Variants in ROR1 observed in about 807,000 individuals in gnomAD.
ROR1 encodes inactive tyrosine-protein kinase transmembrane receptor ROR1.
In ROR1, 19 loss-of-function variants were observed where a neutral mutation model predicts 78.8. The observed-to-expected ratio is 0.24, with a 90% CI of 0.17 to 0.35. ROR1 has a LOEUF of 0.35. Among genes scored for constraint, ROR1 ranks in the 10% least tolerant of loss-of-function variants. The probability of loss-of-function intolerance (pLI) is 1.00; values close to 1 mark genes in which losing one functional copy is unlikely to be tolerated. For missense variants in ROR1, 917 were observed against 1,177.8 expected (o/e 0.78, Z 3.24); for synonymous variants, 386 against 433.6 (o/e 0.89, Z 1.36).
chr1:63,894,653 G>A (rs1569872409), intron 1 of ROR1, among the ~76,000 whole-genome samples: 1 of 152,060 alleles, frequency 6.6e-6, no homozygotes, highest in South Asian at 2.1e-4. Flanking sequence ...GAGCAAAAAG[G>A]ACTTGATTCT....
At chr1:63,865,559 T>TC (rs1645210100) in intron 1 of ROR1, among the ~76,000 whole-genome samples, 1 of 152,208 alleles carries the variant, frequency 6.6e-6, no homozygotes, top group African/African-American at 2.4e-5. Flanking sequence ...TCCTTTTTTT[T>TC]CCCATACAAG....
chr1:63,844,893 C>G (rs1341881986), intron 1 of ROR1, among the ~76,000 whole-genome samples: 1 of 152,042 alleles, frequency 6.6e-6, no homozygotes, highest in Non-Finnish European at 1.5e-5. Flanking sequence ...TCTCTATTAC[C>G]TGGAGGAGGG....
At chr1:63,821,522 G>A (rs1387492862) in intron 1 of ROR1, among the ~76,000 whole-genome samples, 1 of 152,188 alleles carries the variant, frequency 6.6e-6, no homozygotes, top group African/African-American at 2.4e-5. Flanking sequence ...GAGAGCACCC[G>A]TGTGTACTTA....
At chr1:63,837,769 C>T (rs1251819733) in intron 1 of ROR1, among the ~76,000 whole-genome samples, 1 of 152,064 alleles carries the variant, frequency 6.6e-6, no homozygotes, top group Non-Finnish European at 1.5e-5. Context: ...TGCAGTGAAC[C>T]GTGATTGTGC....
chr1:63,793,435 C>T (rs765768607), intron 1 of ROR1, among the ~76,000 whole-genome samples: 1 of 152,200 alleles, frequency 6.6e-6, no homozygotes, highest in African/African-American at 2.4e-5. Context: ...ATCCCAGTTA[C>T]CCTGATTTGA....
intron 1 of ROR1, among the ~76,000 whole-genome samples, chr1:63,982,567 G>T (rs180869692): frequency 2.0e-4 from 31 of 152,260 alleles, no homozygotes; most frequent in African/African-American, 7.5e-4. Context: ...TTTCTGGGTA[G>T]GCTCAGCAAA....
At chr1:64,081,598 G>C (rs1184323769) in intron 4 of ROR1, among the ~76,000 whole-genome samples, 2 of 151,680 alleles carry the variant, frequency 1.3e-5, no homozygotes, top group African/African-American at 4.8e-5. Flanking sequence ...GCAACATAGG[G>C]AGACTCTACA....
intron 1 of ROR1, among the ~76,000 whole-genome samples, chr1:63,951,899 T>A (rs1645943064): frequency 6.6e-6 from 1 of 151,682 alleles, no homozygotes; most frequent in African/African-American, 2.4e-5. Flanking sequence ...GAGCTGTGCT[T>A]AAGATGGAGT....
rs201132261 is a variant in ROR1 at position 63,792,505 on chromosome 1, G to GA, written c.91+18005dup. ...GAGGGAACAGTGTATGGTTTGGAAA[G>GA]AAAAAAAATCTCAGTTTGGGCCTGG... On this transcript the variant is annotated intron_variant, in intron 1 of 8. Coordinates refer to ENST00000371079, the MANE Select transcript of ROR1 (RefSeq NM_005012.4). Among the ~76,000 whole-genome samples the GA allele has an allele frequency of 5.9e-3, 890 of 152,106 alleles. 9 individuals are homozygous for GA. The highest frequency in any genetic ancestry group is 0.02 in the African/African-American group (827 of 41,526).
At position 64,178,409 on chromosome 1, in the gene ROR1, A is replaced by G. The variant is rs1013869913; in HGVS notation, c.2368A>G (p.Met790Val). The G allele has an allele frequency of 2.1e-5, 34 of 1,614,044 alleles. No homozygotes were observed. Among genetic ancestry groups the G allele is most frequent in the African/African-American group, 2.7e-5 (2 of 74,902 alleles). ...NLSNPRYPNY[M>V]FPSQGITPQG... ...CAGTAACCCCAGATATCCTAATTAC[A>G]TGTTCCCGAGCCAGGGTATTACACC... The change falls in exon 9 of 9, where the codon ATG (methionine) becomes GTG (valine). Residue 790 changes from methionine to valine, a missense_variant. Physicochemically the swap from Met to Val is conservative, Grantham distance 21. This residue lies in a region of ROR1 where 835 missense variants were observed against 1,069.8 expected (regional missense o/e 0.78). Transcript: ENST00000371079. The surrounding 1 kb of genome is among the most constrained non-coding windows in gnomAD (Gnocchi z 4.3).
At chr1:64,125,803 G>A (rs1648693108) in intron 4 of ROR1, among the ~76,000 whole-genome samples, 1 of 152,188 alleles carries the variant, frequency 6.6e-6, no homozygotes, top group South Asian at 2.1e-4. Flanking sequence ...TCTGTAGGAG[G>A]TCTGTGTAGC....
At chr1:63,912,858 C>T (rs1645582432) in intron 1 of ROR1, among the ~76,000 whole-genome samples, 1 of 152,156 alleles carries the variant, frequency 6.6e-6, no homozygotes, top group Non-Finnish European at 1.5e-5. Flanking sequence ...TGGGGAGACA[C>T]AGATATCCTT....
At chr1:63,949,890 C>G (rs1645920799) in intron 1 of ROR1, among the ~76,000 whole-genome samples, 1 of 152,046 alleles carries the variant, frequency 6.6e-6, no homozygotes, top group African/African-American at 2.4e-5. Context: ...TGAATGTTTT[C>G]ATTTTTCATT....
chr1:63,778,143 A>G (rs1361185505), intron 1 of ROR1, among the ~76,000 whole-genome samples: 1 of 152,174 alleles, frequency 6.6e-6, no homozygotes, highest in Non-Finnish European at 1.5e-5. Context: ...GAGCCTTTCA[A>G]GAGTGTTATG....
At chr1:63,970,804 A>G (rs1405016865) in intron 1 of ROR1, among the ~76,000 whole-genome samples, 4 of 152,232 alleles carry the variant, frequency 2.6e-5, no homozygotes, top group Non-Finnish European at 4.4e-5. Flanking sequence ...CAGATGAGAA[A>G]GCTGAGATCC....
chr1:63,828,001 C>A (rs1173407289), intron 1 of ROR1, among the ~76,000 whole-genome samples: 2 of 152,116 alleles, frequency 1.3e-5, no homozygotes, highest in Non-Finnish European at 2.9e-5. Context: ...GTGCATATTC[C>A]CCTTATTTAT....
intron 4 of ROR1, among the ~76,000 whole-genome samples, chr1:64,136,423 G>A (rs1012257219): frequency 3.3e-5 from 5 of 150,108 alleles, no homozygotes; most frequent in African/African-American, 9.8e-5. Context: ...ACTTATACAC[G>A]TGGCAGGCAG....
At chr1:63,856,896 G>T (rs1645151898) in intron 1 of ROR1, among the ~76,000 whole-genome samples, 1 of 151,984 alleles carries the variant, frequency 6.6e-6, no homozygotes, top group African/African-American at 2.4e-5. Context: ...CCTTTCTCTG[G>T]TCTCTCATCA....
rs900050438 is a variant in ROR1, at chr1:64,122,427, G to A, written c.483-14942G>A. Among the ~76,000 whole-genome samples the A allele has an allele frequency of 4.6e-5, 7 of 152,052 alleles. 1 individual carries two copies. Among genetic ancestry groups the A allele is most frequent in the Admixed American group, 2.6e-4 (4 of 15,278 alleles). ...CTCTCAATCCAAATGTTCCTCTGTG[G>A]TTCCCCATTTTGATGTTTAATCTTT... On this transcript the variant is annotated intron_variant, in intron 4 of 8. Transcript: ENST00000371079.
Sources: allele counts gnomAD v4.1 joint callset (sites outside exome capture counted in the v4.1 genomes callset), GRCh38; gene constraint gnomAD v4.1.1; regional missense constraint gnomAD v4.1.1; non-coding constraint Gnocchi (gnomAD v3.1); transcripts MANE v1.5; gene names NCBI Gene and HGNC (gene_info 2026-07-23, HGNC 2026-07-21).